MYT1L: variants seen among roughly 807,000 people sequenced by gnomAD.
MYT1L encodes the protein myelin transcription factor 1 like.
In MYT1L, 12 loss-of-function variants were observed where a neutral mutation model predicts 126.7. That is an observed-to-expected ratio of 0.09 (90% CI 0.06 to 0.15). The LOEUF (loss-of-function observed/expected upper bound fraction) is 0.15, where lower values mean the gene tolerates loss of function less well. MYT1L is among the 10% of genes least tolerant of loss of function. The pLI is 1.00. For synonymous variants in MYT1L, 541 were observed against 604.2 expected (o/e 0.90, Z 1.53); for missense variants, 979 against 1,585.2 (o/e 0.62, Z 6.49).
chr2:2,117,223 A>G (rs1030601473), intron 3 of MYT1L, among the ~76,000 whole-genome samples: 23 of 152,244 alleles, frequency 1.5e-4, no homozygotes, highest in Admixed American at 1.4e-3. Flanking sequence ...TAAATACAGC[A>G]GTTATCTTAA....
intron 9 of MYT1L, among the ~76,000 whole-genome samples, chr2:1,928,605 C>T (rs147968607): frequency 8.2e-4 from 125 of 152,300 alleles, no homozygotes; most frequent in Non-Finnish European, 1.3e-3. Flanking sequence ...TAGAGAGTAA[C>T]GCCGCTCCCT....
At chr2:1,965,640 G>A (rs993603375) in intron 8 of MYT1L, among the ~76,000 whole-genome samples, 1 of 152,268 alleles carries the variant, frequency 6.6e-6, no homozygotes, top group East Asian at 1.9e-4. Flanking sequence ...CCAGAGAAGA[G>A]AGTAGGCCAT....
chr2:1,972,928 C>A (rs2059915170), intron 8 of MYT1L, among the ~76,000 whole-genome samples: 1 of 152,180 alleles, frequency 6.6e-6, no homozygotes, highest in African/African-American at 2.4e-5. Context: ...GAATGTACTA[C>A]CAATACCCAT....
intron 23 of MYT1L, among the ~76,000 whole-genome samples, chr2:1,795,374 G>A (rs1039913721): frequency 2.0e-5 from 3 of 152,174 alleles, no homozygotes; most frequent in East Asian, 1.9e-4. Context: ...AGCACGCTGC[G>A]GCGGTCATGG....
chr2:2,328,225 A>G (rs762442474), intron 1 of MYT1L, among the ~76,000 whole-genome samples: 4 of 152,218 alleles, frequency 2.6e-5, no homozygotes, highest in Non-Finnish European at 5.9e-5. Flanking sequence ...TAATCTATTA[A>G]ACATTGACAC....
At chr2:1,997,512 G>A (rs2061974817) in intron 4 of MYT1L, among the ~76,000 whole-genome samples, 165 bp from the exon 5 acceptor site, 1 of 152,202 alleles carries the variant, frequency 6.6e-6, no homozygotes, top group Admixed American at 6.5e-5. Context: ...TTCCCCTTTA[G>A]AGTTTATTCT....
chr2:1,812,875 C>CA (rs33917296), intron 21 of MYT1L, among the ~76,000 whole-genome samples: 3,426 of 59,140 alleles, frequency 0.058, 164 homozygotes, highest in African/African-American at 0.13. Flanking sequence ...GACTCCGTCT[C>CA]AAAAAAAAAA....
At chr2:1,907,962 G>C (rs1047915900) in intron 13 of MYT1L, among the ~76,000 whole-genome samples, 1 of 152,236 alleles carries the variant, frequency 6.6e-6, no homozygotes, top group Non-Finnish European at 1.5e-5. Flanking sequence ...GAACAACCAG[G>C]AATGGCTGTG....
chr2:2,204,738 T>C (rs1425139199), intron 2 of MYT1L, among the ~76,000 whole-genome samples: 2 of 151,704 alleles, frequency 1.3e-5, no homozygotes, highest in Non-Finnish European at 2.9e-5. Context: ...GAAATACCAT[T>C]TGACCCAGCC....
chr2:1,879,338 A>C (rs1397798112), intron 18 of MYT1L, among the ~76,000 whole-genome samples: 2 of 152,222 alleles, frequency 1.3e-5, no homozygotes, highest in Non-Finnish European at 2.9e-5. Context: ...ATGTACAATT[A>C]AAGGACAACA....
intron 4 of MYT1L, among the ~76,000 whole-genome samples, chr2:2,050,623 C>T (rs1285889453): frequency 6.6e-6 from 1 of 151,982 alleles, no homozygotes; most frequent in Admixed American, 6.5e-5. Flanking sequence ...TTTATTTCTC[C>T]CATAAGATCA....
In MYT1L at chr2:2,068,660, A is replaced by G. The variant is rs571856842; in HGVS notation, c.-303-14537T>C. On this transcript the variant is annotated intron_variant, in intron 3 of 24. Coordinates refer to ENST00000647738, the MANE Select transcript of MYT1L (RefSeq NM_001303052.2). The stretch of plus-strand genomic sequence containing the variant: ...TATTTCCCTCATCTATAATGACACA[A>G]AATCATATGAAAATAATCTGAAGAT... Among the ~76,000 whole-genome samples, 15 of 152,064 alleles carry G rather than the reference A, an allele frequency of 9.9e-5. No homozygotes were observed. In the South Asian group the frequency reaches 2.9e-3, roughly 29 times the overall value.
chr2:2,062,470 G>A (rs1340024793), intron 3 of MYT1L, among the ~76,000 whole-genome samples: 1 of 152,114 alleles, frequency 6.6e-6, no homozygotes, highest in East Asian at 1.9e-4. Flanking sequence ...ATGCCCCTTG[G>A]CCATCACCCA....
intron 3 of MYT1L, among the ~76,000 whole-genome samples, chr2:2,054,782 AGATGAGACACAAGAGAT>A (rs1455622560): frequency 1.3e-5 from 2 of 152,042 alleles, no homozygotes; most frequent in African/African-American, 4.8e-5. Flanking sequence ...AGATGCATGA[AGATGAGACACAAGAGAT>A]GATGAGACAC....
chr2:1,942,152 T>C (rs2056722293), intron 9 of MYT1L, among the ~76,000 whole-genome samples: 1 of 152,156 alleles, frequency 6.6e-6, no homozygotes, highest in South Asian at 2.1e-4. Flanking sequence ...AGATGATAGC[T>C]AGGCTTTGCA....
In MYT1L at chr2:2,222,191, T is replaced by A. The variant is rs77525631; in HGVS notation, c.-420-49203A>T. 7.4e-3 allele frequency among the ~76,000 whole-genome samples: 1,133 copies of A among 152,280 alleles called. 16 individuals carry two copies. Among genetic ancestry groups the A allele is most frequent in the African/African-American group, 0.026 (1,072 of 41,550 alleles). On this transcript the variant is annotated intron_variant, in intron 2 of 24. Coordinates refer to ENST00000647738, the MANE Select transcript of MYT1L (RefSeq NM_001303052.2). Reference sequence around the variant, plus strand: ...AAACTCAGTGAAAAGGAGTTCAATATCCTTTTAGAAATATTTTGGGGCTGG... The same window carrying A: ...AAACTCAGTGAAAAGGAGTTCAATAACCTTTTAGAAATATTTTGGGGCTGG...
chr2:1,803,108 G>A (rs1380484008), intron 22 of MYT1L, among the ~76,000 whole-genome samples: 2 of 152,124 alleles, frequency 1.3e-5, no homozygotes, highest in Non-Finnish European at 2.9e-5. Context: ...AGAAAGTGAT[G>A]GATCAGTGGG....
intron 1 of MYT1L, among the ~76,000 whole-genome samples, chr2:2,309,420 C>T (rs1342667897): frequency 6.6e-6 from 1 of 151,896 alleles, no homozygotes; most frequent in East Asian, 1.9e-4. Context: ...TATACCTTCT[C>T]TATGCTTCAT....
intron 2 of MYT1L, among the ~76,000 whole-genome samples, chr2:2,190,555 T>TA (rs777939174): frequency 0.14 from 15,514 of 108,298 alleles, 1,097 homozygotes; most frequent in Middle Eastern, 0.25. Flanking sequence ...CAAGACCTGT[T>TA]AAAAAAAAAA....
Sources: allele counts gnomAD v4.1 joint callset (sites outside exome capture counted in the v4.1 genomes callset), GRCh38; gene constraint gnomAD v4.1.1; transcripts MANE v1.5; gene names NCBI Gene and HGNC (gene_info 2026-07-23, HGNC 2026-07-21).